The following RORA variants were observed in gnomAD, a reference collection of about 807,000 sequenced individuals.
The protein encoded by RORA is RAR related orphan receptor A.
RORA carries 7 observed loss-of-function variants against 69.5 expected under a neutral mutation model. The observed-to-expected ratio is 0.10, with a 90% confidence interval of 0.06 to 0.19. The LOEUF (loss-of-function observed/expected upper bound fraction) is 0.19, where lower values mean the gene tolerates loss of function less well. RORA is among the 10% of genes least tolerant of loss of function. RORA has a pLI of 1.00. For missense variants in RORA, 457 were observed against 663.0 expected (o/e 0.69, Z 3.41); for synonymous variants, 261 against 240.8 (o/e 1.08, Z -0.78).
At chr15:60,525,404 A>C (rs1216906497) in intron 3 of RORA, among the ~76,000 whole-genome samples, 5 of 152,182 alleles carry the variant, frequency 3.3e-5, no homozygotes, top group Non-Finnish European at 7.3e-5. Context: ...CAGAGGCTGA[A>C]ATGCTGATCT....
intron 1 of RORA, among the ~76,000 whole-genome samples, chr15:60,834,686 G>A (rs904660085): frequency 2.6e-5 from 4 of 152,174 alleles, no homozygotes; most frequent in African/African-American, 9.7e-5. Context: ...ATGCAGATTT[G>A]CCCAGCAGCC....
At chr15:60,927,834 G>C (rs912543419) in intron 1 of RORA, among the ~76,000 whole-genome samples, 7 of 152,138 alleles carry the variant, frequency 4.6e-5, no homozygotes, top group African/African-American at 1.4e-4. Context: ...GAATGCAAGC[G>C]TCAGATTTTG....
At chr15:60,762,018 TA>T (rs1385976416) in intron 1 of RORA, among the ~76,000 whole-genome samples, 1 of 152,228 alleles carries the variant, frequency 6.6e-6, no homozygotes, top group Non-Finnish European at 1.5e-5. Flanking sequence ...GCAAGAATTT[TA>T]TCTTTAAAAA....
intron 1 of RORA, among the ~76,000 whole-genome samples, chr15:60,808,625 G>C (rs761099018): frequency 6.6e-6 from 1 of 150,948 alleles, no homozygotes; most frequent in African/African-American, 2.4e-5. Flanking sequence ...CGTTTATAGC[G>C]GCACATTTTA....
intron 1 of RORA, among the ~76,000 whole-genome samples, chr15:60,916,400 A>G (rs1218614824): frequency 2.0e-5 from 3 of 152,218 alleles, no homozygotes; most frequent in Non-Finnish European, 4.4e-5. Flanking sequence ...CATCAGGACA[A>G]CATTTTCTAT....
At chr15:60,615,923 C>T (rs897528451) in intron 2 of RORA, among the ~76,000 whole-genome samples, 3 of 152,178 alleles carry the variant, frequency 2.0e-5, no homozygotes, top group African/African-American at 4.8e-5. Flanking sequence ...CAGCTCTTGA[C>T]ATGTGAGCAA....
intron 1 of RORA, among the ~76,000 whole-genome samples, chr15:60,956,504 G>A (rs1256269765): frequency 6.6e-6 from 1 of 152,164 alleles, no homozygotes; most frequent in Admixed American, 6.5e-5. Flanking sequence ...AGCAGAATGG[G>A]AAAGTATAGG....
At chr15:60,613,767 G>GA (rs34005203) in intron 2 of RORA, among the ~76,000 whole-genome samples, 26 of 124,602 alleles carry the variant, frequency 2.1e-4, no homozygotes, top group South Asian at 5.6e-4. Flanking sequence ...AAAGTCACCT[G>GA]AAAAAAAAAA....
intron 1 of RORA, among the ~76,000 whole-genome samples, chr15:61,125,742 G>A (rs2079137462): frequency 6.6e-6 from 1 of 152,140 alleles, no homozygotes; most frequent in East Asian, 1.9e-4. Context: ...CAAATCAGAA[G>A]GGTCAACAGG....
At chr15:60,810,156 T>C (rs2072721401) in intron 1 of RORA, among the ~76,000 whole-genome samples, 1 of 152,076 alleles carries the variant, frequency 6.6e-6, no homozygotes, top group Non-Finnish European at 1.5e-5. Flanking sequence ...AGAGTGTGTG[T>C]AAGCTAACAT....
chr15:60,655,935 T>C (rs2070214814), intron 2 of RORA, among the ~76,000 whole-genome samples: 1 of 152,216 alleles, frequency 6.6e-6, no homozygotes, highest in Non-Finnish European at 1.5e-5. Flanking sequence ...TTTCAAGGAA[T>C]TTAACACTTA....
At chr15:61,123,096 C>T (rs2079117076) in intron 1 of RORA, among the ~76,000 whole-genome samples, 1 of 152,098 alleles carries the variant, frequency 6.6e-6, no homozygotes, top group South Asian at 2.1e-4. Flanking sequence ...TTTCCCAGGG[C>T]CAGGAACTTA....
At chr15:60,640,964 T>C (rs796652116) in intron 2 of RORA, among the ~76,000 whole-genome samples, 8 of 152,316 alleles carry the variant, frequency 5.3e-5, no homozygotes, top group African/African-American at 1.9e-4. Context: ...TTCTTTTAAT[T>C]TTTTTTGAGA....
rs139447775 is a variant in RORA at position 60,633,834 on chromosome 15, T to C, written c.196+44823A>G. On this transcript the variant is annotated intron_variant, in intron 2 of 10. Transcript: ENST00000335670. ...CAAATATCATATGTAGTTTCTTTTA[T>C]CTTCCTCCAACCTGAGAAATGTATA... Among the ~76,000 whole-genome samples the C allele has an allele frequency of 6.4e-3, 982 of 152,360 alleles. 6 individuals carry two copies. Among genetic ancestry groups the C allele is most frequent in the African/African-American group, 0.022 (919 of 41,576 alleles).
chr15:60,513,921 G>A (rs772219573), intron 4 of RORA, among the ~76,000 whole-genome samples: 4 of 152,176 alleles, frequency 2.6e-5, no homozygotes, highest in East Asian at 1.9e-4. Flanking sequence ...AAATGGACCC[G>A]CTGTGCTTTC....
chr15:60,604,689 A>G (rs1301615884), intron 2 of RORA, among the ~76,000 whole-genome samples: 2 of 152,220 alleles, frequency 1.3e-5, no homozygotes, highest in African/African-American at 2.4e-5. Context: ...CTTTGAAAGT[A>G]GCATGTATGG....
intron 1 of RORA, among the ~76,000 whole-genome samples, chr15:61,218,687 C>CACACACACAA (rs2080065136): frequency 6.6e-6 from 1 of 151,038 alleles, no homozygotes; most frequent in African/African-American, 2.4e-5. Flanking sequence ...CACACACACA[C>CACACACACAA]ACACACACAC....
intron 1 of RORA, among the ~76,000 whole-genome samples, chr15:60,755,001 TACTTTA>T (rs1251100715): frequency 6.6e-6 from 1 of 151,230 alleles, no homozygotes; most frequent in Non-Finnish European, 1.5e-5. Context: ...TTTTTATATA[TACTTTA>T]AGTTTTAGGG....
Position 60,547,868 on chromosome 15 carries a change from T to G in RORA, c.197-16017A>C, listed in dbSNP as rs372298522. 10 of 152,160 alleles carry G rather than the reference T, an allele frequency of 6.6e-5. No individual in the cohort carries two copies. The East Asian group carries it at 1.2e-3, about 18-fold the overall frequency. 9.4% of individuals were successfully genotyped at this position (152,160 alleles called of 1,614,324 possible). A position where few individuals can be genotyped will look rare whatever the true frequency, so the allele number is the denominator to read the frequency against. The stretch of plus-strand genomic sequence containing the variant: ...CATTCAGCCTTTCCAGTTGACTGCT[T>G]TGAAGGGGCAATGTTCACGTGGAAG... On this transcript the variant is annotated intron_variant, in intron 2 of 10. Transcript: ENST00000335670.
Sources: gnomAD v4.1 joint callset for allele counts (sites outside exome capture counted in the v4.1 genomes callset) on GRCh38, gnomAD v4.1.1 for gene constraint, MANE v1.5 for transcripts, NCBI Gene and HGNC (gene_info 2026-07-23, HGNC 2026-07-21) for gene names.